The following HIPK2 variants were observed in gnomAD, a reference collection of about 807,000 sequenced individuals.
HIPK2 encodes homeodomain interacting protein kinase 2, also known as homeodomain-interacting protein kinase 2.
Under a neutral mutation model 113.7 loss-of-function variants are expected in HIPK2, and 27 were observed. The ratio of observed to expected loss-of-function variants is 0.24; its 90% CI spans 0.17 to 0.33. The LOEUF (loss-of-function observed/expected upper bound fraction) is 0.33. HIPK2 is among the 10% of genes least tolerant of loss of function. HIPK2 has a pLI of 1.00. For synonymous variants in HIPK2, 631 were observed against 642.2 expected (o/e 0.98, Z 0.26); for missense variants, 1,257 against 1,588.0 (o/e 0.79, Z 3.54).
At position 139,767,221 on chromosome 7, in the gene HIPK2, A is replaced by C. The variant is rs889775159; in HGVS notation, c.19+10384T>G. The stretch of plus-strand genomic sequence containing the variant: ...AAGCCTACCACAGACCTACTGAATT[A>C]GAGACTCTGGGGGTGAAACCCAGCA... On this transcript the variant is annotated intron_variant, in intron 1 of 14. Coordinates refer to ENST00000406875, the MANE Select transcript of HIPK2 (RefSeq NM_022740.5). Among the ~76,000 whole-genome samples, 5 of 152,370 alleles carry C rather than the reference A, an allele frequency of 3.3e-5. No homozygotes were observed. In the South Asian group the frequency reaches 8.3e-4, roughly 25 times the overall value.
At chr7:139,765,135 C>T in intron 1 of HIPK2, among the ~76,000 whole-genome samples, 1 of 130,534 alleles carries the variant, frequency 7.7e-6, no homozygotes, top group East Asian at 2.2e-4. Context: ...GACTCTGTCT[C>T]AAAAAAAAAA....
At chr7:139,773,135 C>T (rs145567716) in intron 1 of HIPK2, among the ~76,000 whole-genome samples, 4 of 152,078 alleles carry the variant, frequency 2.6e-5, no homozygotes, top group South Asian at 2.1e-4. Context: ...TGAATGAATG[C>T]GTTAAAGATG....
chr7:139,642,895 A>G (rs1801076965), intron 2 of HIPK2, among the ~76,000 whole-genome samples: 1 of 152,166 alleles, frequency 6.6e-6, no homozygotes, highest in Admixed American at 6.5e-5. Context: ...TTGCCTGGTT[A>G]TAAGCTGAAG....
rs1198458159 is a variant in HIPK2, at chr7:139,714,467, TGCAGCCAGGATGGG to T, written c.1103+1451_1103+1464del. ...GGAGGAGACTTGCAACAGCTCTGCC[TGCAGCCAGGATGGG>T]GGCCCGGACAGGGAGCAAGAAGGGG... On this transcript the variant is annotated intron_variant, in intron 2 of 14. Coordinates refer to ENST00000406875, the MANE Select transcript of HIPK2 (RefSeq NM_022740.5). This position sits in a 1 kb window ranked among gnomAD's most constrained non-coding sequence, Gnocchi z 4.2. Among the ~76,000 whole-genome samples, 5 of 152,136 alleles carry T rather than the reference TGCAGCCAGGATGGG, an allele frequency of 3.3e-5. No individual in the cohort carries two copies. The highest frequency in any genetic ancestry group is 1.2e-4 in the African/African-American group (5 of 41,428).
intron 11 of HIPK2, among the ~76,000 whole-genome samples, chr7:139,598,362 C>T (rs1585256030): frequency 1.3e-5 from 2 of 152,190 alleles, no homozygotes; most frequent in South Asian, 2.1e-4. Flanking sequence ...ACATTGCTTG[C>T]TCCTTCTAGG....
Position 139,723,350 on chromosome 7 carries a change from C to T in HIPK2, c.20-6335G>A, listed in dbSNP as rs1010251556. On this transcript the variant is annotated intron_variant, in intron 1 of 14. Coordinates refer to ENST00000406875, the MANE Select transcript of HIPK2 (RefSeq NM_022740.5). ...CTGGGATTATAGACGTGCGCCACCA[C>T]GCCCAGCTAATATTTGTATTTTTAG... is the stretch of plus-strand genomic sequence containing the variant. Among the ~76,000 whole-genome samples, 5 of 152,136 alleles carry T rather than the reference C, an allele frequency of 3.3e-5. No individual in the cohort carries two copies. The South Asian group carries it at 6.2e-4, about 19-fold the overall frequency.
rs1180763023 is a variant in HIPK2, at chr7:139,631,758, A to G, written c.1104-33T>C. 6.3e-7 allele frequency: 1 copy of G among 1,596,938 alleles called. No individual in the cohort carries two copies. Among genetic ancestry groups the G allele is most frequent in the Admixed American group, 1.8e-5 (1 of 56,676 alleles). The stretch of plus-strand genomic sequence containing the variant: ...GGAAGAATGGAAGAAACCATTAGCA[A>G]GTTGGAAATGCAGGAAGCTGTTTCT... On this transcript the variant is annotated intron_variant, in intron 2 of 14. Coordinates refer to ENST00000406875, the MANE Select transcript of HIPK2 (RefSeq NM_022740.5). The surrounding 1 kb of genome is among the most constrained non-coding windows in gnomAD (Gnocchi z 4.9).
In HIPK2 at chr7:139,631,579, A is replaced by C; in HGVS notation, c.1227+23T>G. On this transcript the variant is annotated intron_variant, in intron 3 of 14. Transcript: ENST00000406875. This position sits in a 1 kb window ranked among gnomAD's most constrained non-coding sequence, Gnocchi z 4.9. ...CCAGATGAAGAATGAGGTCTTGTGA[A>C]TATCTGTGTCATCTGGACCCACCTG... 6.2e-7 allele frequency: 1 copy of C among 1,607,452 alleles called. No homozygotes were observed. Among genetic ancestry groups the C allele is most frequent in the Non-Finnish European group, 8.5e-7 (1 of 1,177,480 alleles).
chr7:139,688,969 G>A (rs1794317248), intron 2 of HIPK2, among the ~76,000 whole-genome samples: 1 of 152,184 alleles, frequency 6.6e-6, no homozygotes, highest in East Asian at 1.9e-4. Context: ...CTTACTAAGA[G>A]TTTATACCTT....
intron 12 of HIPK2, among the ~76,000 whole-genome samples, chr7:139,591,440 C>T (rs540448555): frequency 3.9e-5 from 6 of 152,322 alleles, no homozygotes; most frequent in Non-Finnish European, 8.8e-5. Flanking sequence ...AGTCTATCCA[C>T]TGAGCACCGC....
rs555566567 is a variant in HIPK2, at chr7:139,714,342, C to T, written c.1103+1590G>A. On this transcript the variant is annotated intron_variant, in intron 2 of 14. Coordinates refer to ENST00000406875, the MANE Select transcript of HIPK2 (RefSeq NM_022740.5). The surrounding 1 kb of genome is among the most constrained non-coding windows in gnomAD (Gnocchi z 4.2). The stretch of plus-strand genomic sequence containing the variant: ...GAGTCAGGATTAGGATGAAAGGAGA[C>T]GGGGTGGAAGGTGGGAGGGCATCTG... Among the ~76,000 whole-genome samples, 12 of 152,160 alleles carry T rather than the reference C, an allele frequency of 7.9e-5. No individual in the cohort carries two copies. Among genetic ancestry groups the T allele is most frequent in the African/African-American group, 1.7e-4 (7 of 41,502 alleles).
intron 1 of HIPK2, among the ~76,000 whole-genome samples, chr7:139,730,507 T>A (rs1029151779): frequency 6.6e-6 from 1 of 152,036 alleles, no homozygotes; most frequent in Non-Finnish European, 1.5e-5. Flanking sequence ...ATTACAGGCA[T>A]GAGCCAACAT....
rs1281871939 is a variant in HIPK2 at position 139,717,053 on chromosome 7, C to T, written c.20-38G>A. ...GAAAACGAAAAGTAAGTATCGGAGTCACCTTGGTACAAGTAAACTCAACAG... is the reference window on the plus strand; with the variant it reads ...GAAAACGAAAAGTAAGTATCGGAGTTACCTTGGTACAAGTAAACTCAACAG... On this transcript the variant is annotated intron_variant, in intron 1 of 14. Coordinates refer to ENST00000406875, the MANE Select transcript of HIPK2 (RefSeq NM_022740.5). 41 of 1,570,624 alleles carry T rather than the reference C, an allele frequency of 2.6e-5. 1 individual carries two copies. In the South Asian group the frequency reaches 4.9e-4, roughly 19 times the overall value.
chr7:139,601,724 G>A (rs1481293355), intron 10 of HIPK2, among the ~76,000 whole-genome samples: 2 of 152,264 alleles, frequency 1.3e-5, no homozygotes, highest in South Asian at 2.1e-4. Context: ...AAATGTTAAA[G>A]GTGGTGACTG....
At position 139,613,377 on chromosome 7, in the gene HIPK2, T is replaced by C; in HGVS notation, c.1991-54A>G. ...GGTTAGCTGAGACGCTGTGAACAGC[T>C]GGATGAAAAGAACCTTCCTGGGCAG... On this transcript the variant is annotated intron_variant, in intron 8 of 14. Coordinates refer to ENST00000406875, the MANE Select transcript of HIPK2 (RefSeq NM_022740.5). This position sits in a 1 kb window ranked among gnomAD's most constrained non-coding sequence, Gnocchi z 4.2. 6.3e-7 allele frequency: 1 copy of C among 1,597,744 alleles called. No homozygotes were observed. Among genetic ancestry groups the C allele is most frequent in the South Asian group, 1.1e-5 (1 of 88,514 alleles).
At chr7:139,649,246 C>T (rs912520953) in intron 2 of HIPK2, among the ~76,000 whole-genome samples, 5 of 152,048 alleles carry the variant, frequency 3.3e-5, no homozygotes, top group Middle Eastern at 3.2e-3. Flanking sequence ...ACCACTGCTG[C>T]GGCGGGTGGC....
At chr7:139,753,895 A>G (rs183862828) in intron 1 of HIPK2, among the ~76,000 whole-genome samples, 44 of 152,354 alleles carry the variant, frequency 2.9e-4, no homozygotes, top group Non-Finnish European at 3.4e-4. Flanking sequence ...AGATTGCCCC[A>G]TTTAGGGAGA....
intron 1 of HIPK2, among the ~76,000 whole-genome samples, chr7:139,764,703 T>C (rs907328800): frequency 2.0e-5 from 3 of 152,076 alleles, no homozygotes; most frequent in African/African-American, 2.4e-5. Context: ...AGAGGGAGCA[T>C]TGAAAACCTG....
chr7:139,628,935 C>T lies in HIPK2; in HGVS notation c.1434+18G>A. On this transcript the variant is annotated intron_variant, in intron 5 of 14. Transcript: ENST00000406875. ...GGTTTTAAAGGGCTTACGTTGCATACTCACCCATGAAGCTTACCTGGGCCA... is the reference window on the plus strand; with the variant it reads ...GGTTTTAAAGGGCTTACGTTGCATATTCACCCATGAAGCTTACCTGGGCCA... 6.3e-7 allele frequency: 1 copy of T among 1,580,728 alleles called. No individual in the cohort carries two copies. The highest frequency in any genetic ancestry group is 8.6e-7 in the Non-Finnish European group (1 of 1,160,786).
Sources: gnomAD v4.1 joint callset for allele counts (sites outside exome capture counted in the v4.1 genomes callset) on GRCh38, gnomAD v4.1.1 for gene constraint, Gnocchi (gnomAD v3.1) non-coding constraint, MANE v1.5 for transcripts, NCBI Gene and HGNC (gene_info 2026-07-23, HGNC 2026-07-21) for gene names.